Variants in AP1S1 observed in about 807,000 individuals in gnomAD.
AP1S1 encodes adaptor related protein complex 1 subunit sigma 1, also known as AP-1 complex subunit sigma-1A.
AP1S1 carries 13 observed loss-of-function variants against 23.9 expected under a neutral mutation model. The ratio of observed to expected loss-of-function variants is 0.54; its 90% CI spans 0.35 to 0.86. The LOEUF (loss-of-function observed/expected upper bound fraction) is 0.86. Ranked by LOEUF, AP1S1 falls within the 40% of genes least tolerant of loss-of-function variation. The pLI is 0.01. For missense variants in AP1S1, 119 were observed against 197.6 expected, an observed-to-expected ratio of 0.60 and a Z score of 2.38; for synonymous variants, 84 against 77.7, an observed-to-expected ratio of 1.08 and a Z score of -0.43.
Position 101,160,785 on chromosome 7 carries a change from G to A in AP1S1, c.*219G>A. 1.4e-6 allele frequency: 1 copy of A among 720,684 alleles called. No individual in the cohort carries two copies. The highest frequency in any genetic ancestry group is 2.5e-6 in the Non-Finnish European group (1 of 401,856). The allele number at this position is 720,684 out of a possible 1,614,324, so 44.6% of individuals were successfully genotyped here. A position where few individuals can be genotyped will look rare whatever the true frequency, so the allele number is the denominator to read the frequency against. ...TCCCACTGAAGGTTTTAGAAGCTAG[G>A]AGGCAGGAAAATGTGACCCAGATGG... On this transcript the variant is annotated 3_prime_UTR_variant, in exon 5 of 5. Transcript: ENST00000337619.
At chr7:101,160,315 G>A (rs895195719) in intron 4 of AP1S1, among the ~76,000 whole-genome samples, 1 of 152,052 alleles carries the variant, frequency 6.6e-6, no homozygotes, top group Non-Finnish European at 1.5e-5. Flanking sequence ...TGCCACTGTT[G>A]GCTGGCTCTG....
At position 101,159,214 on chromosome 7, in the gene AP1S1, T is replaced by TGAG; in HGVS notation, c.429+30_429+32dup. 6.2e-6 allele frequency: 10 copies of TGAG among 1,601,142 alleles called. No individual in the cohort carries two copies. The highest frequency in any genetic ancestry group is 3.4e-5 in the South Asian group (3 of 89,368). ...TGCAAGAGGTACGGGCCAGGGACAG[T>TGAG]GAGGAGGAGGAGGAAGCGCACAGTG... On this transcript the variant is annotated intron_variant, in intron 4 of 4. Coordinates refer to ENST00000337619, the MANE Select transcript of AP1S1 (RefSeq NM_001283.5).
At position 101,158,475 on chromosome 7, in the gene AP1S1, G is replaced by A. The variant is rs376307928; in HGVS notation, c.292-584G>A. On this transcript the variant is annotated intron_variant, in intron 3 of 4. Coordinates refer to ENST00000337619, the MANE Select transcript of AP1S1 (RefSeq NM_001283.5). The stretch of plus-strand genomic sequence containing the variant: ...CCCTGCCCCACAGTGTCCAGGAAGC[G>A]GGGCTACCACAGCCTTTGGTGGGAA... 1.9e-4 allele frequency among the ~76,000 whole-genome samples: 29 copies of A among 152,290 alleles called. No homozygotes were observed. In the East Asian group the frequency reaches 3.1e-3, roughly 16 times the overall value.
At chr7:101,157,311 T>G in intron 2 of AP1S1, 66 bp from the exon 3 acceptor site, 2 of 1,359,094 alleles carry the variant, frequency 1.5e-6, no homozygotes, top group Non-Finnish European at 1.0e-6. Flanking sequence ...GGTGAGAGGT[T>G]TGAGACCAGA....
Position 101,161,229 on chromosome 7 carries a change from C to G in AP1S1, c.*663C>G, listed in dbSNP as rs755438433. 2 of 184,324 alleles carry G rather than the reference C, an allele frequency of 1.1e-5. No individual in the cohort carries two copies. The highest frequency in any genetic ancestry group is 2.3e-5 in the Non-Finnish European group (2 of 87,564). 11.4% of individuals were successfully genotyped at this position (184,324 alleles called of 1,614,324 possible). On this transcript the variant is annotated 3_prime_UTR_variant, in exon 5 of 5. Transcript: ENST00000337619. ...GGTGGGGAGGGGGAGGGGGAAGTGT[C>G]TGCCTTTATGTCCTTTCTTCTGAAA...
intron 1 of AP1S1, chr7:101,154,891 C>T (rs955361205): frequency 2.0e-6 from 2 of 1,016,462 alleles, no homozygotes; most frequent in Non-Finnish European, 2.5e-6. Context: ...TCACCAGTCA[C>T]CGAGACCCCC....
At chr7:101,159,334 C>T in intron 4 of AP1S1, 138 bp downstream of exon 4, 1 of 1,281,596 alleles carries the variant, frequency 7.8e-7, no homozygotes, top group South Asian at 1.4e-5. Context: ...CCCCACCACG[C>T]CCAGCTCTCC....
At chr7:101,160,165 C>T (rs959462437) in intron 4 of AP1S1, among the ~76,000 whole-genome samples, 8 of 152,072 alleles carry the variant, frequency 5.3e-5, no homozygotes, top group Non-Finnish European at 4.4e-5. Flanking sequence ...AGCTGTACCC[C>T]CCAGGGCCCC....
intron 1 of AP1S1, 56 bp downstream of exon 1, chr7:101,154,573 CG>C: frequency 1.3e-6 from 2 of 1,490,158 alleles, no homozygotes; most frequent in Non-Finnish European, 9.0e-7. Flanking sequence ...GCTGCACCTG[CG>C]GGGGTCCTCG....
chr7:101,160,699 C>A lies in AP1S1; in HGVS notation c.*133C>A. ...CTGCTGCCTCACCTTTCGGAGTGAG[C>A]TGTGGGCTCAGGCCCTTCAAACATT... On this transcript the variant is annotated 3_prime_UTR_variant, in exon 5 of 5. Transcript: ENST00000337619. 1.9e-6 allele frequency: 2 copies of A among 1,073,848 alleles called. No individual in the cohort carries two copies. The highest frequency in any genetic ancestry group is 2.8e-6 in the Non-Finnish European group (2 of 715,334). The allele number at this position is 1,073,848 out of a possible 1,614,324, so 66.5% of individuals were successfully genotyped here.
chr7:101,154,994 G>T (rs1277634585), intron 1 of AP1S1: 1 of 996,726 alleles, frequency 1.0e-6, no homozygotes, highest in Non-Finnish European at 1.2e-6. Context: ...GCCCTACTGC[G>T]TTCGTGGCCG....
At chr7:101,159,356 A>G in intron 4 of AP1S1, 160 bp downstream of exon 4, 1 of 1,040,966 alleles carries the variant, frequency 9.6e-7, no homozygotes, top group Non-Finnish European at 1.4e-6. Flanking sequence ...GCTTACTCTC[A>G]AGCCCTGACC....
chr7:101,156,225 CTG>C (rs1403232660), intron 1 of AP1S1, among the ~76,000 whole-genome samples: 1 of 152,046 alleles, frequency 6.6e-6, no homozygotes, highest in Admixed American at 6.5e-5. Flanking sequence ...GAGAGAGACT[CTG>C]TCTCAAAAAT....
chr7:101,156,548 G>T, intron 1 of AP1S1, 46 bp from the exon 2 acceptor site: 1 of 1,566,726 alleles, frequency 6.4e-7, no homozygotes. Context: ...AGATAAGTTT[G>T]GGGAATGTGT....
chr7:101,154,498 G>A lies in AP1S1; in HGVS notation c.-17G>A. ...TACGGTGGCCGAAGTGGGACGCGCC[G>A]AGCCGGAGGCTGCAGGATGGTAGGC... On this transcript the variant is annotated 5_prime_UTR_variant, in exon 1 of 5. Coordinates refer to ENST00000337619, the MANE Select transcript of AP1S1 (RefSeq NM_001283.5). 6.4e-7 allele frequency: 1 copy of A among 1,573,820 alleles called. No homozygotes were observed. Among genetic ancestry groups the A allele is most frequent in the Non-Finnish European group, 8.6e-7 (1 of 1,160,324 alleles).
Position 101,159,000 on chromosome 7 carries a change from A to G in AP1S1, c.292-59A>G, listed in dbSNP as rs531676275. ...CCCAAGGTGGGAGGCACGGTCTTGAAAAGGAAGTGGCTCCAGTTGCCCCTC... is the reference window on the plus strand; with the variant it reads ...CCCAAGGTGGGAGGCACGGTCTTGAGAAGGAAGTGGCTCCAGTTGCCCCTC... On this transcript the variant is annotated intron_variant, in intron 3 of 4. Coordinates refer to ENST00000337619, the MANE Select transcript of AP1S1 (RefSeq NM_001283.5). The G allele has an allele frequency of 9.1e-5, 145 of 1,597,300 alleles. No homozygotes were observed. The South Asian group carries it at 1.5e-3, about 16-fold the overall frequency.
intron 1 of AP1S1, among the ~76,000 whole-genome samples, chr7:101,155,306 C>G (rs1248504521): frequency 1.3e-5 from 2 of 152,186 alleles, no homozygotes; most frequent in Non-Finnish European, 2.9e-5. Context: ...CTGGGCATGT[C>G]CATGAATAGA....
chr7:101,155,583 C>T (rs1796980149), intron 1 of AP1S1, among the ~76,000 whole-genome samples: 1 of 152,178 alleles, frequency 6.6e-6, no homozygotes, highest in Non-Finnish European at 1.5e-5. Flanking sequence ...TGTCGAAGAC[C>T]AAATGCCTGG....
rs570283203 is a variant in AP1S1 at position 101,160,619 on chromosome 7, G to T, written c.*53G>T. The T allele has an allele frequency of 2.9e-5, 46 of 1,590,114 alleles. No individual in the cohort carries two copies. In the Admixed American group the frequency reaches 6.0e-4, roughly 21 times the overall value. On this transcript the variant is annotated 3_prime_UTR_variant, in exon 5 of 5. Coordinates refer to ENST00000337619, the MANE Select transcript of AP1S1 (RefSeq NM_001283.5). Reference sequence around the variant, plus strand: ...GGGTCCTGGCAGCGTGGCGGGAACGGCTGCTTCTCCTCTGCCCAGGGCCCT... The same window carrying T: ...GGGTCCTGGCAGCGTGGCGGGAACGTCTGCTTCTCCTCTGCCCAGGGCCCT...
Sources: gnomAD v4.1 joint callset for allele counts (sites outside exome capture counted in the v4.1 genomes callset) on GRCh38, gnomAD v4.1.1 for gene constraint, MANE v1.5 for transcripts, NCBI Gene and HGNC (gene_info 2026-07-23, HGNC 2026-07-21) for gene names.